Variants in MYB observed in about 807,000 individuals in gnomAD.
MYB encodes the protein transcriptional activator Myb.
Under a neutral mutation model 92.9 loss-of-function variants are expected in MYB, and 28 were observed. The observed-to-expected ratio is 0.30, with a 90% CI of 0.22 to 0.41. The LOEUF is 0.41. Among genes scored for constraint, MYB ranks in the 10% least tolerant of loss-of-function variants. The pLI, the probability that MYB is intolerant of heterozygous loss-of-function variation, is 1.00. For missense variants in MYB, 679 were observed against 929.3 expected (o/e 0.73, Z 3.50); for synonymous variants, 295 against 329.1 (o/e 0.90, Z 1.12).
intron 8 of MYB, chr6:135,195,354 C>CGT: frequency 6.3e-6 from 1 of 158,240 alleles, no homozygotes. Flanking sequence ...ACTCCTGAGT[C>CGT]CTCTAGCTTT....
At chr6:135,214,437 A>G (rs1489003798) in intron 15 of MYB, among the ~76,000 whole-genome samples, 1 of 151,780 alleles carries the variant, frequency 6.6e-6, no homozygotes, top group Non-Finnish European at 1.5e-5. Context: ...CTCCATTCTC[A>G]CCTTCATTCC....
At chr6:135,186,098 C>T in intron 2 of MYB, 78 bp downstream of exon 2, 9 of 1,227,934 alleles carry the variant, frequency 7.3e-6, no homozygotes, top group Non-Finnish European at 1.1e-5. Flanking sequence ...AACTAAACTA[C>T]AGGTGCTCAA....
chr6:135,206,446 C>T (rs1405416156), intron 15 of MYB, among the ~76,000 whole-genome samples: 4 of 151,848 alleles, frequency 2.6e-5, no homozygotes, highest in African/African-American at 9.7e-5. Context: ...ACCTGTAATC[C>T]CAGCACTTTG....
chr6:135,182,395 C>T lies in MYB; in HGVS notation c.23+859C>T, dbSNP rs1583219232. Among the ~76,000 whole-genome samples the T allele has an allele frequency of 2.0e-5, 3 of 152,208 alleles. No homozygotes were observed. In the South Asian group the frequency reaches 6.2e-4, roughly 31 times the overall value. On this transcript the variant is annotated intron_variant, in intron 1 of 15. Coordinates refer to ENST00000341911, the MANE Select transcript of MYB (RefSeq NM_001130173.2). This position sits in a 1 kb window ranked among gnomAD's most constrained non-coding sequence, Gnocchi z 5.6. Reference sequence around the variant, plus strand: ...ACTTTCCCAGCAGCACACGCCGGGGCTCCCTGCGAGCGGCGGGTGCCAGGG... The same window carrying T: ...ACTTTCCCAGCAGCACACGCCGGGGTTCCCTGCGAGCGGCGGGTGCCAGGG...
At chr6:135,203,960 A>C (rs1168274906) in intron 15 of MYB, 1 of 1,068,790 alleles carries the variant, frequency 9.4e-7, no homozygotes, top group Non-Finnish European at 1.2e-6. Context: ...AAATGTAAAT[A>C]AGAATGCAAA....
chr6:135,206,724 A>G (rs538542379), intron 15 of MYB, among the ~76,000 whole-genome samples: 2 of 152,180 alleles, frequency 1.3e-5, no homozygotes, highest in African/African-American at 2.4e-5. Context: ...TTAATCTGCT[A>G]TAATAGATAC....
intron 2 of MYB, among the ~76,000 whole-genome samples, chr6:135,187,113 A>C (rs1776021914): frequency 6.6e-6 from 1 of 152,244 alleles, no homozygotes; most frequent in Non-Finnish European, 1.5e-5. Flanking sequence ...TTACCTTTGC[A>C]GAAACATAAG....
chr6:135,188,492 C>CT (rs528623055), intron 3 of MYB, among the ~76,000 whole-genome samples: 4,919 of 133,748 alleles, frequency 0.037, 99 homozygotes, highest in Non-Finnish European at 0.054. Flanking sequence ...ATTTTTCTTT[C>CT]TTTTTTTTTT....
At chr6:135,206,225 A>AAAAAAAAT (rs1554254480) in intron 15 of MYB, among the ~76,000 whole-genome samples, 1 of 96,644 alleles carries the variant, frequency 1.0e-5, no homozygotes, top group Non-Finnish European at 2.0e-5. Flanking sequence ...AAAAAAAAAA[A>AAAAAAAAT]AATAATAATA....
At chr6:135,189,404 G>A (rs1372646486) in intron 3 of MYB, among the ~76,000 whole-genome samples, 1 of 152,222 alleles carries the variant, frequency 6.6e-6, no homozygotes, top group Non-Finnish European at 1.5e-5. Flanking sequence ...TGAATGGGAA[G>A]CAAACTTTAG....
intron 15 of MYB, among the ~76,000 whole-genome samples, chr6:135,206,108 A>G (rs986166835): frequency 2.0e-5 from 3 of 147,662 alleles, no homozygotes; most frequent in Non-Finnish European, 4.5e-5. Context: ...TGGGAGGCTG[A>G]GGCAGGAGAA....
intron 15 of MYB, among the ~76,000 whole-genome samples, chr6:135,214,252 G>A (rs535788526): frequency 6.6e-6 from 1 of 152,054 alleles, no homozygotes; most frequent in South Asian, 2.1e-4. Flanking sequence ...TCCAGCCTGG[G>A]CAACAGAATG....
In MYB at chr6:135,218,819, C is replaced by T. The variant is rs892084018; in HGVS notation, c.*839C>T. 2 of 216,510 alleles carry T rather than the reference C, an allele frequency of 9.2e-6. No individual in the cohort carries two copies. The highest frequency in any genetic ancestry group is 1.8e-5 in the Non-Finnish European group (2 of 108,980). 13.4% of individuals were successfully genotyped at this position (216,510 alleles called of 1,614,324 possible). Reference sequence around the variant, plus strand: ...CATTTGAAAACTTGTTTGGGAGACTCTGCATTTTTTATTGTGGTTTTTTTG... The same window carrying T: ...CATTTGAAAACTTGTTTGGGAGACTTTGCATTTTTTATTGTGGTTTTTTTG... On this transcript the variant is annotated 3_prime_UTR_variant, in exon 16 of 16. Coordinates refer to ENST00000341911, the MANE Select transcript of MYB (RefSeq NM_001130173.2).
chr6:135,205,109 A>G (rs946020263), intron 15 of MYB, among the ~76,000 whole-genome samples: 1 of 152,136 alleles, frequency 6.6e-6, no homozygotes, highest in Non-Finnish European at 1.5e-5. Flanking sequence ...GAGGAAGAGA[A>G]TGAACTCCAC....
intron 15 of MYB, among the ~76,000 whole-genome samples, chr6:135,217,059 C>A (rs1780547645): frequency 1.3e-5 from 2 of 152,198 alleles, no homozygotes; most frequent in Non-Finnish European, 2.9e-5. Context: ...TTAGGTCCAT[C>A]TTGTATCTTC....
At chr6:135,189,035 C>T (rs1776316313) in intron 3 of MYB, among the ~76,000 whole-genome samples, 1 of 152,160 alleles carries the variant, frequency 6.6e-6, no homozygotes, top group Admixed American at 6.5e-5. Context: ...TTTATTTCTG[C>T]TTTACCTCCT....
At chr6:135,210,845 G>A (rs552333367) in intron 15 of MYB, among the ~76,000 whole-genome samples, 2 of 152,324 alleles carry the variant, frequency 1.3e-5, no homozygotes, top group South Asian at 2.1e-4. Flanking sequence ...AGGCAGAGTC[G>A]CCACATAGTC....
chr6:135,185,533 T>C (rs1206045731), intron 1 of MYB, among the ~76,000 whole-genome samples: 2 of 152,246 alleles, frequency 1.3e-5, no homozygotes, highest in Non-Finnish European at 2.9e-5. Context: ...TGTGCACTTA[T>C]ATAAAGGACA....
chr6:135,201,801 T>C (rs743589), intron 14 of MYB, 52 bp downstream of exon 14: 460,689 of 1,122,030 alleles, frequency 0.41, 96,088 homozygotes, highest in African/African-American at 0.59. Flanking sequence ...TGGTGCCTCA[T>C]GAAATCCTGT....
Sources: allele counts gnomAD v4.1 joint callset (sites outside exome capture counted in the v4.1 genomes callset), GRCh38; gene constraint gnomAD v4.1.1; non-coding constraint Gnocchi (gnomAD v3.1); transcripts MANE v1.5; gene names NCBI Gene and HGNC (gene_info 2026-07-23, HGNC 2026-07-21).